Variants in KLHL14 observed in about 807,000 individuals in gnomAD.
KLHL14 encodes kelch-like protein 14.
A neutral mutation model predicts 64.3 loss-of-function variants in KLHL14; 22 were observed. The ratio of observed to expected loss-of-function variants is 0.34; its 90% CI spans 0.24 to 0.49. KLHL14 has a LOEUF of 0.49. Among genes scored for constraint, KLHL14 ranks in the 20% least tolerant of loss-of-function variants. The pLI, the probability that KLHL14 is intolerant of heterozygous loss-of-function variation, is 0.99. For missense variants in KLHL14, 661 were observed against 789.0 expected, an observed-to-expected ratio of 0.84 and a Z score of 1.94; for synonymous variants, 322 against 333.4, an observed-to-expected ratio of 0.97 and a Z score of 0.37.
chr18:32,681,719 G>C (rs1168075167), intron 5 of KLHL14, among the ~76,000 whole-genome samples: 1 of 152,152 alleles, frequency 6.6e-6, no homozygotes, highest in Non-Finnish European at 1.5e-5. Flanking sequence ...CGAGATTCTT[G>C]TTCAATGTCG....
chr18:32,735,051 C>T (rs572201283), intron 3 of KLHL14, among the ~76,000 whole-genome samples: 1 of 152,282 alleles, frequency 6.6e-6, no homozygotes, highest in South Asian at 2.1e-4. Context: ...AGTCCATAAA[C>T]CAAGATTATA....
chr18:32,748,823 G>A (rs1354217041), intron 2 of KLHL14, among the ~76,000 whole-genome samples: 1 of 152,108 alleles, frequency 6.6e-6, no homozygotes, highest in East Asian at 1.9e-4. Context: ...TTATAAAATA[G>A]GGATAACACT....
Position 32,683,585 on chromosome 18 carries a change from G to A in KLHL14, c.1239-2986C>T, listed in dbSNP as rs992987059. 3.9e-5 allele frequency among the ~76,000 whole-genome samples: 6 copies of A among 152,126 alleles called. No homozygotes were observed. The highest frequency in any genetic ancestry group is 7.4e-5 in the Non-Finnish European group (5 of 68,022). On this transcript the variant is annotated intron_variant, in intron 5 of 8. Transcript: ENST00000359358. This position sits in a 1 kb window ranked among gnomAD's most constrained non-coding sequence, Gnocchi z 4.2. ...TCAAGATTATTAAAGATTTCTTATT[G>A]GGATTACACTGTTTCTGTTTCAAAT... is the stretch of plus-strand genomic sequence containing the variant.
intron 3 of KLHL14, among the ~76,000 whole-genome samples, chr18:32,724,418 A>C (rs2050095936): frequency 6.6e-6 from 1 of 152,204 alleles, no homozygotes; most frequent in Non-Finnish European, 1.5e-5. Flanking sequence ...ATTACCCTAG[A>C]GAGCCCTCAA....
chr18:32,764,398 T>C (rs2050329981), intron 2 of KLHL14, among the ~76,000 whole-genome samples: 1 of 152,120 alleles, frequency 6.6e-6, no homozygotes, highest in Non-Finnish European at 1.5e-5. Context: ...CTTAGCACGG[T>C]AGAATTATTT....
At position 32,674,737 on chromosome 18, in the gene KLHL14, C is replaced by G. The variant is rs749816647; in HGVS notation, c.1807G>C (p.Glu603Gln). 3 of 780,978 alleles carry G rather than the reference C, an allele frequency of 3.8e-6. No homozygotes were observed. In the South Asian group the frequency reaches 4.0e-5, roughly 10 times the overall value. 48.4% of individuals were successfully genotyped at this position (780,978 alleles called of 1,614,324 possible). ...GCCAACGGTTCTGCTACATCTCCTT[C>G]GAGTTCTGTCCAGGTTCCTTTCTCT... ...CPEKGTWTEL[E>Q]GDVAEPLAGP... is the part of the protein sequence containing the mutation. Residue 603 changes from glutamate (E) to glutamine (Q), a missense_variant, in exon 9 of 9, where the codon GAA becomes CAA. By Grantham distance (29) the Glu-to-Gln change is conservative. Coordinates refer to ENST00000359358, the MANE Select transcript of KLHL14 (RefSeq NM_020805.3).
intron 5 of KLHL14, among the ~76,000 whole-genome samples, chr18:32,686,592 T>C (rs1391183046): frequency 2.0e-5 from 3 of 152,122 alleles, no homozygotes; most frequent in African/African-American, 7.2e-5. Context: ...AGCTAACAAA[T>C]TACTTGTTCT....
At chr18:32,739,825 C>T (rs2050186478) in intron 3 of KLHL14, among the ~76,000 whole-genome samples, 2 of 152,074 alleles carry the variant, frequency 1.3e-5, no homozygotes, top group South Asian at 2.1e-4. Context: ...AGTGGTATGT[C>T]TGTTGCAGTG....
chr18:32,703,326 A>G (rs140324357), intron 3 of KLHL14, among the ~76,000 whole-genome samples: 81 of 152,280 alleles, frequency 5.3e-4, no homozygotes, highest in Non-Finnish European at 1.1e-3. Flanking sequence ...GAGACTATGG[A>G]ATTTATTTTT....
chr18:32,721,411 C>G (rs1471270665), intron 3 of KLHL14, among the ~76,000 whole-genome samples: 1 of 151,886 alleles, frequency 6.6e-6, no homozygotes, highest in East Asian at 1.9e-4. Context: ...TAAGCTCTTC[C>G]TAATGGGAGC....
chr18:32,680,095 G>A lies in KLHL14; in HGVS notation c.1588+74C>T, dbSNP rs2144465442. ...ACTTGGTTAACTATGATTATCTAAG[G>A]AGAAACCCCCTTAGCGAGAAATATG... On this transcript the variant is annotated intron_variant, in intron 7 of 8. Coordinates refer to ENST00000359358, the MANE Select transcript of KLHL14 (RefSeq NM_020805.3). The surrounding 1 kb of genome is among the most constrained non-coding windows in gnomAD (Gnocchi z 4.8). 2 of 1,446,000 alleles carry A rather than the reference G, an allele frequency of 1.4e-6. No homozygotes were observed. Among genetic ancestry groups the A allele is most frequent in the Admixed American group, 1.9e-5 (1 of 51,954 alleles). The allele number at this position is 1,446,000 out of a possible 1,614,324, so 89.6% of individuals were successfully genotyped here. A position where few individuals can be genotyped will look rare whatever the true frequency, so the allele number is the denominator to read the frequency against.
At chr18:32,740,178 TA>T (rs1232837116) in intron 3 of KLHL14, among the ~76,000 whole-genome samples, 1 of 152,186 alleles carries the variant, frequency 6.6e-6, no homozygotes, top group Admixed American at 6.5e-5. Flanking sequence ...AAACTTGAAG[TA>T]AGGTGACCAT....
intron 2 of KLHL14, among the ~76,000 whole-genome samples, chr18:32,765,215 G>A (rs1004950990): frequency 1.3e-5 from 2 of 152,174 alleles, no homozygotes; most frequent in African/African-American, 2.4e-5. Context: ...CACCTGTTAC[G>A]CAGTAGCAGT....
intron 3 of KLHL14, among the ~76,000 whole-genome samples, chr18:32,714,958 C>T (rs1208388167): frequency 6.6e-6 from 1 of 151,046 alleles, no homozygotes; most frequent in East Asian, 1.9e-4. Flanking sequence ...TGACTCTACT[C>T]TTCCTTAGTA....
At chr18:32,685,525 T>C (rs2144472999) in intron 5 of KLHL14, among the ~76,000 whole-genome samples, 1 of 152,304 alleles carries the variant, frequency 6.6e-6, no homozygotes, top group East Asian at 1.9e-4. Flanking sequence ...GATGCAGCTG[T>C]AATAACAGCA....
At chr18:32,719,179 C>G (rs1259950459) in intron 3 of KLHL14, among the ~76,000 whole-genome samples, 1 of 152,342 alleles carries the variant, frequency 6.6e-6, no homozygotes, top group Middle Eastern at 3.4e-3. Flanking sequence ...AACTCCCGAC[C>G]TCAGGTGATC....
intron 3 of KLHL14, among the ~76,000 whole-genome samples, chr18:32,708,882 A>G (rs2050004405): frequency 6.6e-6 from 1 of 152,182 alleles, no homozygotes; most frequent in South Asian, 2.1e-4. Flanking sequence ...TTTGTTTCTT[A>G]GTCATTCTTA....
intron 3 of KLHL14, 142 bp from the exon 4 acceptor site, chr18:32,695,694 C>T (rs2049933413): frequency 3.2e-6 from 2 of 623,792 alleles, no homozygotes; most frequent in East Asian, 2.7e-5. Context: ...GTGGCCAAGC[C>T]ACTACTCACC....
chr18:32,724,721 G>A (rs2050098567), intron 3 of KLHL14, among the ~76,000 whole-genome samples: 1 of 152,226 alleles, frequency 6.6e-6, no homozygotes, highest in Admixed American at 6.5e-5. Context: ...TGCAGAGAGA[G>A]CACTTCAATG....
Sources: allele counts gnomAD v4.1 joint callset (sites outside exome capture counted in the v4.1 genomes callset), GRCh38; gene constraint gnomAD v4.1.1; non-coding constraint Gnocchi (gnomAD v3.1); transcripts MANE v1.5; gene names NCBI Gene and HGNC (gene_info 2026-07-23, HGNC 2026-07-21).